The following LYPD6 variants were observed in gnomAD, a reference collection of about 807,000 sequenced individuals.
LYPD6 encodes ly6/PLAUR domain-containing protein 6.
LYPD6 carries 15 observed loss-of-function variants against 22.7 expected under a neutral mutation model. That is an observed-to-expected ratio of 0.66 (90% CI 0.44 to 1.02). The LOEUF is 1.02. Ranked by LOEUF, LYPD6 falls within the 50% of genes least tolerant of loss-of-function variation. LYPD6 has a pLI of 0.00. For missense variants in LYPD6, 189 were observed against 208.4 expected, an observed-to-expected ratio of 0.91 and a Z score of 0.57; for synonymous variants, 72 against 77.5, an observed-to-expected ratio of 0.93 and a Z score of 0.37.
chr2:149,444,741 G>C (rs1457521099), intron 2 of LYPD6, among the ~76,000 whole-genome samples: 1 of 151,924 alleles, frequency 6.6e-6, no homozygotes, highest in Non-Finnish European at 1.5e-5. Flanking sequence ...ACCTTTTCAG[G>C]CTCCGCTTCT....
At chr2:149,402,225 T>C (rs527789981) in intron 1 of LYPD6, among the ~76,000 whole-genome samples, 1 of 150,590 alleles carries the variant, frequency 6.6e-6, no homozygotes, top group Non-Finnish European at 1.5e-5. Context: ...TTCCATGGTG[T>C]GTGTTTGCGT....
At chr2:149,404,343 T>TA (rs1305910920) in intron 1 of LYPD6, among the ~76,000 whole-genome samples, 1 of 152,238 alleles carries the variant, frequency 6.6e-6, no homozygotes. Flanking sequence ...ATTTTCACGA[T>TA]ATTGATTCTT....
intron 1 of LYPD6, among the ~76,000 whole-genome samples, chr2:149,428,037 A>G (rs781573177): frequency 6.6e-6 from 1 of 152,244 alleles, no homozygotes; most frequent in Non-Finnish European, 1.5e-5. Flanking sequence ...ATTCGCAGTT[A>G]AGATTGGGTA....
At chr2:149,482,774 T>C in the LYPD6 span, among the ~76,000 whole-genome samples, 2 of 152,130 alleles carry the variant, frequency 1.3e-5, no homozygotes, top group African/African-American at 4.8e-5. Flanking sequence ...CCTCTCCTTT[T>C]TAGGACACAA....
At position 149,331,314 on chromosome 2, in the gene LYPD6, G is replaced by A. The variant is rs1434889856; in HGVS notation, c.-72+592G>A. ...ACCCACAGAGTTGGGATTTGGCCTG[G>A]GCTTGACTTGGCGACCTGTTTTTCT... On this transcript the variant is annotated intron_variant, in intron 1 of 4. Transcript: ENST00000334166. Among the ~76,000 whole-genome samples the A allele has an allele frequency of 6.6e-5, 10 of 152,314 alleles. No homozygotes were observed. In the East Asian group the frequency reaches 1.5e-3, roughly 24 times the overall value.
chr2:149,417,853 G>A (rs1338622393), intron 1 of LYPD6, among the ~76,000 whole-genome samples: 2 of 151,994 alleles, frequency 1.3e-5, no homozygotes, highest in Non-Finnish European at 2.9e-5. Context: ...TGTTTTCTTT[G>A]TAACACCAGA....
chr2:149,455,280 A>G (rs760604908), intron 3 of LYPD6, among the ~76,000 whole-genome samples: 11 of 135,864 alleles, frequency 8.1e-5, no homozygotes, highest in Non-Finnish European at 1.7e-4. Flanking sequence ...TTTTTTTGAG[A>G]CAGAGTCTTG....
chr2:149,460,494 A>G (rs1221863371), intron 3 of LYPD6, among the ~76,000 whole-genome samples: 1 of 152,160 alleles, frequency 6.6e-6, no homozygotes, highest in Non-Finnish European at 1.5e-5. Flanking sequence ...GTGCAACAGA[A>G]TAATATAAAG....
At chr2:149,330,577 G>C (rs1298292114), upstream of LYPD6, 1 of 151,004 alleles carries the variant, frequency 6.6e-6, no homozygotes, top group East Asian at 2.0e-4. Flanking sequence ...GCCTCTCCCC[G>C]CTGCGCTCCC....
the LYPD6 span, among the ~76,000 whole-genome samples, chr2:149,480,574 G>T: frequency 1.3e-5 from 2 of 152,146 alleles, no homozygotes; most frequent in African/African-American, 4.8e-5. Flanking sequence ...CTGTGTGTGG[G>T]GGGGTGTTTG....
In LYPD6 at chr2:149,331,224, G is replaced by A. The variant is rs184470288; in HGVS notation, c.-72+502G>A. 7.7e-3 allele frequency among the ~76,000 whole-genome samples: 1,171 copies of A among 152,178 alleles called. 17 individuals are homozygous for A. Among genetic ancestry groups the A allele is most frequent in the African/African-American group, 0.027 (1,122 of 41,522 alleles). On this transcript the variant is annotated intron_variant, in intron 1 of 4. Coordinates refer to ENST00000334166, the MANE Select transcript of LYPD6 (RefSeq NM_194317.5). ...TGCAGTGTGCTGGAGGTACCTCCCC[G>A]CCGCTGCAAGACCACGCTAGGCCTT...
chr2:149,349,953 A>C (rs76232344), intron 1 of LYPD6, among the ~76,000 whole-genome samples: 134 of 152,156 alleles, frequency 8.8e-4, no homozygotes, highest in African/African-American at 3.1e-3. Context: ...CTGAAAAAAA[A>C]ATATATATGC....
chr2:149,459,723 G>T (rs1484219004), intron 3 of LYPD6, among the ~76,000 whole-genome samples: 1 of 152,094 alleles, frequency 6.6e-6, no homozygotes, highest in Non-Finnish European at 1.5e-5. Context: ...TCAGGTTGAT[G>T]AAACCCCATC....
chr2:149,399,403 CAT>C (rs1384612845), intron 1 of LYPD6, among the ~76,000 whole-genome samples: 1 of 152,046 alleles, frequency 6.6e-6, no homozygotes, highest in African/African-American at 2.4e-5. Flanking sequence ...AATAAAAGCA[CAT>C]GTTATTGAGT....
intron 1 of LYPD6, among the ~76,000 whole-genome samples, chr2:149,400,045 C>T (rs183331000): frequency 1.3e-5 from 2 of 152,322 alleles, no homozygotes; most frequent in African/African-American, 4.8e-5. Flanking sequence ...GTGTGACTGT[C>T]GGAGGGGAGC....
chr2:149,364,544 ATTTT>A (rs558543639), intron 1 of LYPD6, among the ~76,000 whole-genome samples: 1 of 135,326 alleles, frequency 7.4e-6, no homozygotes, highest in African/African-American at 2.7e-5. Context: ...ACAGAGTACA[ATTTT>A]TTTTTTTTTT....
At chr2:149,439,840 T>C (rs1444440541) in intron 2 of LYPD6, 1 of 152,208 alleles carries the variant, frequency 6.6e-6, no homozygotes, top group African/African-American at 2.4e-5. Flanking sequence ...ACTCGCCATA[T>C]GTAAAGAATT....
At chr2:149,431,811 C>T (rs1683320151) in intron 1 of LYPD6, among the ~76,000 whole-genome samples, 1 of 151,932 alleles carries the variant, frequency 6.6e-6, no homozygotes, top group Non-Finnish European at 1.5e-5. Flanking sequence ...AGGACTCCAT[C>T]AAGAAAGTAA....
At chr2:149,350,866 C>T (rs181407219) in intron 1 of LYPD6, among the ~76,000 whole-genome samples, 38 of 152,344 alleles carry the variant, frequency 2.5e-4, no homozygotes, top group African/African-American at 8.7e-4. Context: ...GCCCACACTA[C>T]CCTTGCCGGG....
Sources: gnomAD v4.1 joint callset for allele counts (sites outside exome capture counted in the v4.1 genomes callset) on GRCh38, gnomAD v4.1.1 for gene constraint, MANE v1.5 for transcripts, NCBI Gene and HGNC (gene_info 2026-07-23, HGNC 2026-07-21) for gene names.